Variants in STXBP4 observed in about 807,000 individuals in gnomAD.
The protein encoded by STXBP4 is syntaxin-binding protein 4.
In STXBP4, 55 loss-of-function variants were observed where a neutral mutation model predicts 76.1. The ratio of observed to expected loss-of-function variants is 0.72; its 90% CI spans 0.58 to 0.91. The LOEUF (loss-of-function observed/expected upper bound fraction) is 0.91. Among genes scored for constraint, STXBP4 ranks in the 40% least tolerant of loss-of-function variants. STXBP4 has a pLI of 0.00. For missense variants in STXBP4, 618 were observed against 636.9 expected (o/e 0.97, Z 0.32); for synonymous variants, 201 against 220.2 (o/e 0.91, Z 0.77).
chr17:55,161,364 G>A lies in STXBP4; in HGVS notation c.*1453G>A, dbSNP rs926104572. On this transcript the variant is annotated 3_prime_UTR_variant, in exon 18 of 18. Transcript: ENST00000376352. Reference sequence around the variant, plus strand: ...AGCCATTTGAATGTTAGGAAGCTTCGGGGAGACAAGTTTTGAGAGAAGCCC... The same window carrying A: ...AGCCATTTGAATGTTAGGAAGCTTCAGGGAGACAAGTTTTGAGAGAAGCCC... 2.0e-5 allele frequency: 3 copies of A among 152,110 alleles called. No homozygotes were observed. Among genetic ancestry groups the A allele is most frequent in the South Asian group, 2.1e-4 (1 of 4,812 alleles). 9.4% of individuals were successfully genotyped at this position (152,110 alleles called of 1,614,324 possible).
At chr17:55,136,743 G>A (rs1258230839) in intron 16 of STXBP4, among the ~76,000 whole-genome samples, 1 of 152,052 alleles carries the variant, frequency 6.6e-6, no homozygotes, top group African/African-American at 2.4e-5. Flanking sequence ...CAGGGTCAGA[G>A]TGTCCCATTA....
At chr17:55,174,946 C>G (rs2080423990), downstream of STXBP4, among the ~76,000 whole-genome samples, 1 of 152,038 alleles carries the variant, frequency 6.6e-6, no homozygotes. Flanking sequence ...ACGGCGTGAA[C>G]CTGGGAGGCG....
chr17:55,077,858 A>T (rs2079203500), intron 13 of STXBP4, among the ~76,000 whole-genome samples: 3 of 152,054 alleles, frequency 2.0e-5, no homozygotes, highest in Admixed American at 2.0e-4. Context: ...GAATCAATAA[A>T]CTCATATACA....
At chr17:54,981,028 C>T (rs1246181129) in intron 1 of STXBP4, among the ~76,000 whole-genome samples, 1 of 151,978 alleles carries the variant, frequency 6.6e-6, no homozygotes, top group African/African-American at 2.4e-5. Context: ...ACAATTCTTC[C>T]TCCAATGTGA....
At chr17:55,134,586 G>A (rs2145132090) in intron 16 of STXBP4, among the ~76,000 whole-genome samples, 1 of 152,186 alleles carries the variant, frequency 6.6e-6, no homozygotes, top group Non-Finnish European at 1.5e-5. Context: ...GGGCTGAGGA[G>A]AGTCAGATGT....
At chr17:55,074,641 G>A (rs1215364012) in intron 13 of STXBP4, among the ~76,000 whole-genome samples, 1 of 151,752 alleles carries the variant, frequency 6.6e-6, no homozygotes, top group East Asian at 1.9e-4. Flanking sequence ...TTTAAGCTTG[G>A]GTTATTTGTA....
At chr17:55,180,557 C>T in the STXBP4 span, among the ~76,000 whole-genome samples, 5 of 41,346 alleles carry the variant, frequency 1.2e-4, no homozygotes, top group African/African-American at 1.0e-3. Flanking sequence ...TTGCAAACCA[C>T]CAGTCTAAAG....
chr17:55,026,119 T>C (rs182437586), intron 8 of STXBP4, among the ~76,000 whole-genome samples: 16 of 152,258 alleles, frequency 1.1e-4, no homozygotes, highest in African/African-American at 3.1e-4. Context: ...GAAGAAGACC[T>C]AAATAAATGG....
At chr17:55,137,359 A>C (rs2080043556) in intron 16 of STXBP4, among the ~76,000 whole-genome samples, 1 of 146,704 alleles carries the variant, frequency 6.8e-6, no homozygotes, top group Admixed American at 6.8e-5. Context: ...TGAGTTTGTA[A>C]CAATTTTGTA....
At chr17:55,058,085 G>T (rs1441542609) in intron 12 of STXBP4, among the ~76,000 whole-genome samples, 3 of 152,140 alleles carry the variant, frequency 2.0e-5, no homozygotes, top group Non-Finnish European at 4.4e-5. Flanking sequence ...GAGGATTGCT[G>T]GGTCAAATGG....
At chr17:55,104,741 T>C (rs2079610137) in intron 16 of STXBP4, among the ~76,000 whole-genome samples, 1 of 152,232 alleles carries the variant, frequency 6.6e-6, no homozygotes, top group Non-Finnish European at 1.5e-5. Context: ...AATTTGGCTG[T>C]GAATCTGTCT....
At chr17:55,112,054 T>A (rs975873772) in intron 16 of STXBP4, among the ~76,000 whole-genome samples, 1 of 151,804 alleles carries the variant, frequency 6.6e-6, no homozygotes, top group African/African-American at 2.4e-5. Context: ...TAACTAGGAC[T>A]ATAGGTGCAC....
chr17:55,148,727 C>T lies in STXBP4; in HGVS notation c.1547+7360C>T, dbSNP rs180933422. Among the ~76,000 whole-genome samples, 386 of 151,934 alleles carry T rather than the reference C, an allele frequency of 2.5e-3. 1 individual carries two copies. Among genetic ancestry groups the T allele is most frequent in the Non-Finnish European group, 4.5e-3 (306 of 67,882 alleles). Reference sequence around the variant, plus strand: ...CTAATTTTTGTATTTTTAGTAGAGGCGGGGCCATGTTGGCTAGACTGGTCT... The same window carrying T: ...CTAATTTTTGTATTTTTAGTAGAGGTGGGGCCATGTTGGCTAGACTGGTCT... On this transcript the variant is annotated intron_variant, in intron 17 of 17. Coordinates refer to ENST00000376352, the MANE Select transcript of STXBP4 (RefSeq NM_178509.6).
chr17:55,054,836 C>T (rs537316011), intron 12 of STXBP4, among the ~76,000 whole-genome samples: 1 of 152,084 alleles, frequency 6.6e-6, no homozygotes, highest in African/African-American at 2.4e-5. Context: ...GTAATTTTAA[C>T]TGAGGGCATA....
At chr17:55,151,628 A>T (rs1412396359) in intron 17 of STXBP4, among the ~76,000 whole-genome samples, 1 of 152,170 alleles carries the variant, frequency 6.6e-6, no homozygotes, top group Non-Finnish European at 1.5e-5. Context: ...ATCATTTCAA[A>T]GACTAAAAAT....
rs891080997 is a variant in STXBP4, at chr17:54,999,659, C to G, written c.315C>G (p.Phe105Leu). 1 of 1,613,478 alleles carries G rather than the reference C, an allele frequency of 6.2e-7. No individual in the cohort carries two copies. The highest frequency in any genetic ancestry group is 8.5e-7 in the Non-Finnish European group (1 of 1,179,796). The change falls in exon 6 of 18, where the codon TTC becomes TTG. Residue 105 changes from phenylalanine to leucine, a missense_variant. Transcript: ENST00000376352. ...LRLESAWEIAFIRQKSDNIQP... is the reference protein window; with the variant it reads ...LRLESAWEIALIRQKSDNIQP... ...TAGAATCTGCTTGGGAGATAGCATT[C>G]ATAAGACAAAAATCCGACAACATTC...
At chr17:55,185,664 A>T in the STXBP4 span, among the ~76,000 whole-genome samples, 3 of 152,170 alleles carry the variant, frequency 2.0e-5, no homozygotes, top group Non-Finnish European at 4.4e-5. Flanking sequence ...CGGAGTGGAG[A>T]GAGCAGATGA....
At chr17:54,969,316 G>A (rs2077349237) in intron 1 of STXBP4, among the ~76,000 whole-genome samples, 1 of 152,240 alleles carries the variant, frequency 6.6e-6, no homozygotes, top group Non-Finnish European at 1.5e-5. Flanking sequence ...CCCCGTGGGA[G>A]GATGTAATAG....
At chr17:55,079,093 C>T (rs891742018) in intron 15 of STXBP4, among the ~76,000 whole-genome samples, 2 of 152,172 alleles carry the variant, frequency 1.3e-5, no homozygotes, top group Admixed American at 6.6e-5. Context: ...AAAAGTGTCT[C>T]AACCCAGCAG....
Sources: gnomAD v4.1 joint callset for allele counts (sites outside exome capture counted in the v4.1 genomes callset) on GRCh38, gnomAD v4.1.1 for gene constraint, MANE v1.5 for transcripts, NCBI Gene and HGNC (gene_info 2026-07-23, HGNC 2026-07-21) for gene names.